KRT2: variants seen among roughly 807,000 people sequenced by gnomAD.
KRT2 encodes the protein keratin, type II cytoskeletal 2 epidermal.
Under a neutral mutation model 48.5 loss-of-function variants are expected in KRT2, and 37 were observed. That is an observed-to-expected ratio of 0.76 (90% CI 0.59 to 1.00). The LOEUF is 1.00. Ranked by LOEUF, KRT2 falls within the 50% of genes least tolerant of loss-of-function variation. The pLI is 0.00. For synonymous variants in KRT2, 324 were observed against 312.2 expected (o/e 1.04, Z -0.40); for missense variants, 880 against 815.2 (o/e 1.08, Z -0.97).
In KRT2 at chr12:52,646,843, A is replaced by C; in HGVS notation, c.1366T>G (p.Leu456Val). The part of the protein sequence containing the change: ...EEALQQAKED[L>V]ARLLRDYQEL... ...TGGTAGTCACGCAGCAGCCGCGCCAAGTCCTCCTTGGCCTGCTGCAGGGCC... is the reference window on the plus strand; with the variant it reads ...TGGTAGTCACGCAGCAGCCGCGCCACGTCCTCCTTGGCCTGCTGCAGGGCC... The change falls in exon 7 of 9, where the codon TTG (leucine) becomes GTG (valine). Residue 456 changes from leucine to valine, a missense_variant. Physicochemically the swap from Leu to Val is conservative, Grantham distance 32. Coordinates refer to ENST00000309680, the MANE Select transcript of KRT2 (RefSeq NM_000423.3). The C allele has an allele frequency of 6.2e-7, 1 of 1,614,182 alleles. No homozygotes were observed. The highest frequency in any genetic ancestry group is 8.5e-7 in the Non-Finnish European group (1 of 1,180,016).
chr12:52,650,577 C>T, intron 1 of KRT2, 24 bp from the exon 2 acceptor site: 3 of 1,597,682 alleles, frequency 1.9e-6, no homozygotes, highest in Non-Finnish European at 2.6e-6. Context: ...AAGGAGAGCA[C>T]ATGAGTTCTA....
At position 52,651,974 on chromosome 12, in the gene KRT2, C is replaced by T. The variant is rs1476306102; in HGVS notation, c.169G>A (p.Gly57Ser). The T allele has an allele frequency of 8.1e-6, 13 of 1,613,532 alleles. No individual in the cohort carries two copies. The highest frequency in any genetic ancestry group is 2.2e-5 in the East Asian group (1 of 44,868). ...CCAACAAGACTCCGACTGCCAAAGC[C>T]GCCTCCACCGAAGCCCCCGCCACCA... ...GGGGGGFGGG[G>S]FGSRSLVGLG... Residue 57 changes from glycine to serine, a missense_variant, in exon 1 of 9, where the codon GGC (glycine) becomes AGC (serine). Gly to Ser is a moderately conservative substitution (Grantham distance 56). Coordinates refer to ENST00000309680, the MANE Select transcript of KRT2 (RefSeq NM_000423.3).
intron 5 of KRT2, 138 bp from the exon 6 acceptor site, chr12:52,647,993 G>GC: frequency 7.8e-7 from 1 of 1,274,262 alleles, no homozygotes; most frequent in South Asian, 1.2e-5. Context: ...ATTCATGAGA[G>GC]GTAGGGACTG....
rs751910699 is a variant in KRT2 at position 52,646,820 on chromosome 12, G to T, written c.1389C>A (p.Tyr463Ter). The change falls in exon 7 of 9, where the codon TAC becomes TAA. Residue 463 changes from tyrosine to a stop codon, truncating the protein, a stop_gained. Transcript: ENST00000309680. LOFTEE classifies it high-confidence loss of function. ...KEDLARLLRD[Y>*]QELMNVKLAL... ...CCAGCTTCACGTTCATCAGCTCCTG[G>T]TAGTCACGCAGCAGCCGCGCCAAGT... 1 of 1,614,128 alleles carries T rather than the reference G, an allele frequency of 6.2e-7. No homozygotes were observed. Among genetic ancestry groups the T allele is most frequent in the African/African-American group, 1.3e-5 (1 of 75,028 alleles).
At chr12:52,646,415 C>A (rs1191568783) in intron 7 of KRT2, among the ~76,000 whole-genome samples, 2 of 152,190 alleles carry the variant, frequency 1.3e-5, no homozygotes, top group Non-Finnish European at 2.9e-5. Context: ...ACCCTATGGA[C>A]CTAGAGACCA....
In KRT2 at chr12:52,645,134, G is replaced by C; in HGVS notation, c.1805C>G (p.Ser602Cys). 1 of 1,613,224 alleles carries C rather than the reference G, an allele frequency of 6.2e-7. No individual in the cohort carries two copies. The highest frequency in any genetic ancestry group is 8.5e-7 in the Non-Finnish European group (1 of 1,179,810). Reference sequence around the variant, plus strand: ...TCCTCCAGAGCTGGAGCCTCCTCTAGAGCCACCTCCAGAGCTGTGTTTTCC... The same window carrying C: ...TCCTCCAGAGCTGGAGCCTCCTCTACAGCCACCTCCAGAGCTGTGTTTTCC... ...GGGKHSSGGG[S>C]RGGSSSGGGY... The change falls in exon 9 of 9, where the codon TCT becomes TGT. Residue 602 changes from serine (S) to cysteine (C), a missense_variant. Physicochemically the swap from Ser to Cys is moderately radical, Grantham distance 112. Coordinates refer to ENST00000309680, the MANE Select transcript of KRT2 (RefSeq NM_000423.3).
chr12:52,650,478 G>C lies in KRT2; in HGVS notation c.661C>G (p.Arg221Gly). The change falls in exon 2 of 9, where the codon CGC (arginine) becomes GGC (glycine). Residue 221 changes from arginine to glycine, a missense_variant. Physicochemically the swap from Arg to Gly is moderately radical, Grantham distance 125 (BLOSUM62 -2). Transcript: ENST00000309680. ...ELLQQMNVGT[R>G]PINLEPIFQG... Reference sequence around the variant, plus strand: ...AAGATGGGCTCCAGGTTGATGGGGCGGGTGCCAACATTCATTTGTTGTAGC... The same window carrying C: ...AAGATGGGCTCCAGGTTGATGGGGCCGGTGCCAACATTCATTTGTTGTAGC... 1 of 1,613,928 alleles carries C rather than the reference G, an allele frequency of 6.2e-7. No homozygotes were observed. The highest frequency in any genetic ancestry group is 1.1e-5 in the South Asian group (1 of 91,066).
intron 3 of KRT2, 37 bp downstream of exon 3, chr12:52,649,877 C>T (rs1488694944): frequency 1.3e-6 from 2 of 1,546,424 alleles, no homozygotes; most frequent in Admixed American, 1.7e-5. Context: ...TGAAGCACTC[C>T]TATCCCCACC....
chr12:52,647,884 A>T, intron 5 of KRT2, 29 bp from the exon 6 acceptor site: 1 of 1,613,940 alleles, frequency 6.2e-7, no homozygotes, highest in Non-Finnish European at 8.5e-7. Flanking sequence ...GACAGTTTGC[A>T]AGGAAGTTCC....
chr12:52,648,873 G>A (rs1029503540), intron 4 of KRT2, 134 bp downstream of exon 4: 1 of 707,886 alleles, frequency 1.4e-6, no homozygotes, highest in Non-Finnish European at 2.6e-6. Flanking sequence ...CCCCCCCAGT[G>A]GCCTGGAATG....
At chr12:52,646,099 G>A (rs756628907) in intron 7 of KRT2, among the ~76,000 whole-genome samples, 2 of 152,202 alleles carry the variant, frequency 1.3e-5, no homozygotes, top group Non-Finnish European at 2.9e-5. Context: ...GCAACCTCCT[G>A]AAGAAAGCCA....
rs200345029 is a variant in KRT2, at chr12:52,648,269, G to T, written c.1026C>A (p.Asn342Lys). Residue 342 changes from asparagine (N) to lysine (K), a missense_variant, in exon 5 of 9, where the codon AAC becomes AAA. Physicochemically the swap from Asn to Lys is moderately conservative, Grantham distance 94 (BLOSUM62 0). Coordinates refer to ENST00000309680, the MANE Select transcript of KRT2 (RefSeq NM_000423.3). ...CGGCGATGATGCTATCCAAGTCCAG[G>T]TTGCGGCTGTTGTCCATGGAGAGGA... ...NVILSMDNSR[N>K]LDLDSIIAEV... The T allele has an allele frequency of 1.2e-6, 2 of 1,614,104 alleles. No individual in the cohort carries two copies. Among genetic ancestry groups the T allele is most frequent in the Admixed American group, 1.7e-5 (1 of 60,026 alleles).
At position 52,646,789 on chromosome 12, in the gene KRT2, C is replaced by T; in HGVS notation, c.1420G>A (p.Asp474Asn). The change falls in exon 7 of 9, where the codon GAT (aspartate) becomes AAT (asparagine). Residue 474 changes from aspartate to asparagine, a missense_variant. Coordinates refer to ENST00000309680, the MANE Select transcript of KRT2 (RefSeq NM_000423.3). ...TTGCGGTAGGTGGCGATCTCCACAT[C>T]TAGGGCCAGCTTCACGTTCATCAGC... ...QELMNVKLAL[D>N]VEIATYRKLL... The T allele has an allele frequency of 6.2e-7, 1 of 1,614,168 alleles. No homozygotes were observed.
At chr12:52,647,341 C>T (rs547528869) in intron 6 of KRT2, among the ~76,000 whole-genome samples, 1 of 152,364 alleles carries the variant, frequency 6.6e-6, no homozygotes, top group East Asian at 1.9e-4. Context: ...GGCCAGCTGC[C>T]CTCAATACTC....
rs775063663 is a variant in KRT2 at position 52,647,715 on chromosome 12, A to C, written c.1248+15T>G. The C allele has an allele frequency of 6.2e-6, 10 of 1,613,486 alleles. No individual in the cohort carries two copies. The highest frequency in any genetic ancestry group is 6.8e-6 in the Non-Finnish European group (8 of 1,179,768). On this transcript the variant is annotated intron_variant, in intron 6 of 8. Transcript: ENST00000309680. ...GACAACCTCCCGCCCCTCGCTGGAC[A>C]GGGCTGGGCCTCACCTGCTTCTTCA...
chr12:52,651,467 A>C (rs1415725787), intron 1 of KRT2, 91 bp downstream of exon 1: 1 of 1,053,176 alleles, frequency 9.5e-7, no homozygotes, highest in East Asian at 2.4e-5. Context: ...ACTGGCTCCT[A>C]AGAAATACAA....
In KRT2 at chr12:52,649,115, T is replaced by A; in HGVS notation, c.862-13A>T. 1 of 1,555,832 alleles carries A rather than the reference T, an allele frequency of 6.4e-7. No homozygotes were observed. The highest frequency in any genetic ancestry group is 8.9e-7 in the Non-Finnish European group (1 of 1,127,216). ...CATTGTCCACGTCCTGCAAGAAAGG[T>A]TGAGGCCTCTGGTGTATGGTTCCCT... On this transcript the variant is annotated splice_polypyrimidine_tract_variant and intron_variant, in intron 3 of 8. Coordinates refer to ENST00000309680, the MANE Select transcript of KRT2 (RefSeq NM_000423.3).
Position 52,645,310 on chromosome 12 carries a change from G to A in KRT2, c.1629C>T (p.Gly543=). 3 of 1,613,960 alleles carry A rather than the reference G, an allele frequency of 1.9e-6. No individual in the cohort carries two copies. The highest frequency in any genetic ancestry group is 2.5e-6 in the Non-Finnish European group (3 of 1,179,996). ...SSGSSSYGSG[G]RQSGSRGGSG... is the part of the protein sequence containing the mutation. ...TACCGCCTCTGGAGCCAGACTGTCG[G>A]CCTCCAGAGCCATAACTGCTGCTTC... Residue 543 remains glycine (G), a synonymous_variant, in exon 9 of 9, where the codon GGC becomes GGT. Transcript: ENST00000309680.
At chr12:52,647,310 C>T (rs527483842) in intron 6 of KRT2, among the ~76,000 whole-genome samples, 4 of 152,288 alleles carry the variant, frequency 2.6e-5, no homozygotes, top group African/African-American at 9.6e-5. Flanking sequence ...TTTTCTATTC[C>T]AAAGCTAACG....
Sources: gnomAD v4.1 joint callset for allele counts (sites outside exome capture counted in the v4.1 genomes callset) on GRCh38, gnomAD v4.1.1 for gene constraint, MANE v1.5 for transcripts, NCBI Gene and HGNC (gene_info 2026-07-23, HGNC 2026-07-21) for gene names.